FBN2: variants seen among roughly 807,000 people sequenced by gnomAD.
The protein encoded by FBN2 is fibrillin-2.
In FBN2, 105 loss-of-function variants were observed where a neutral mutation model predicts 355.6. That is an observed-to-expected ratio of 0.30 (90% CI 0.25 to 0.35). The LOEUF (loss-of-function observed/expected upper bound fraction) is 0.35. Among genes scored for constraint, FBN2 ranks in the 10% least tolerant of loss-of-function variants. The probability of loss-of-function intolerance (pLI) is 1.00; values close to 1 mark genes in which losing one functional copy is unlikely to be tolerated. For synonymous variants in FBN2, 1,350 were observed against 1,301.2 expected, an observed-to-expected ratio of 1.04 and a Z score of -0.81; for missense variants, 3,280 against 3,758.7, an observed-to-expected ratio of 0.87 and a Z score of 3.33.
intron 62 of FBN2, among the ~76,000 whole-genome samples, chr5:128,270,709 T>A (rs564549485): frequency 2.6e-5 from 4 of 152,140 alleles, no homozygotes; most frequent in Non-Finnish European, 5.9e-5. Flanking sequence ...TCAGAGTGAA[T>A]AGGCAACCTA....
chr5:128,414,145 T>C (rs1753137364), intron 7 of FBN2, among the ~76,000 whole-genome samples: 1 of 152,178 alleles, frequency 6.6e-6, no homozygotes, highest in Non-Finnish European at 1.5e-5. Flanking sequence ...GATTCACATG[T>C]CATACAATTC....
intron 34 of FBN2, among the ~76,000 whole-genome samples, 160 bp from the exon 35 acceptor site, chr5:128,319,161 A>G (rs990498088): frequency 1.3e-5 from 2 of 152,180 alleles, no homozygotes; most frequent in Non-Finnish European, 2.9e-5. Flanking sequence ...GTAAAGGGCA[A>G]GCAACTAATG....
chr5:128,414,284 T>C (rs528989039), intron 7 of FBN2, among the ~76,000 whole-genome samples: 3 of 152,282 alleles, frequency 2.0e-5, no homozygotes, highest in East Asian at 1.9e-4. Context: ...CAATCATTCC[T>C]CCTATTCCTC....
chr5:128,442,213 G>A (rs923198817), intron 7 of FBN2: 3 of 420,836 alleles, frequency 7.1e-6, no homozygotes, highest in African/African-American at 6.2e-5. Context: ...CACATAAAGA[G>A]CCATTTAAGG....
At chr5:128,521,328 G>C (rs1756428348) in intron 4 of FBN2, among the ~76,000 whole-genome samples, 1 of 152,106 alleles carries the variant, frequency 6.6e-6, no homozygotes, top group African/African-American at 2.4e-5. Flanking sequence ...AGAACACATG[G>C]ACACTGGGAG....
At chr5:128,471,150 T>C (rs1754849670) in intron 5 of FBN2, among the ~76,000 whole-genome samples, 1 of 152,056 alleles carries the variant, frequency 6.6e-6, no homozygotes, top group Non-Finnish European at 1.5e-5. Context: ...AAATAAAGAA[T>C]TCTGCAATAT....
intron 23 of FBN2, among the ~76,000 whole-genome samples, chr5:128,348,281 T>C (rs143216246): frequency 6.6e-6 from 1 of 152,246 alleles, no homozygotes; most frequent in African/African-American, 2.4e-5. Context: ...TATTTTGTCA[T>C]TTTCAAATGA....
chr5:128,366,582 A>C, intron 16 of FBN2, 152 bp from the exon 17 acceptor site: 1 of 539,754 alleles, frequency 1.9e-6, no homozygotes, highest in Middle Eastern at 5.1e-4. Flanking sequence ...GCAAACAATT[A>C]TTATAAAATT....
chr5:128,438,702 CAA>C (rs1753840029), intron 7 of FBN2, among the ~76,000 whole-genome samples: 1 of 152,090 alleles, frequency 6.6e-6, no homozygotes, highest in Non-Finnish European at 1.5e-5. Context: ...TCCGGGGAGA[CAA>C]GAGTTCTGGA....
chr5:128,263,246 T>C (rs772900715), intron 63 of FBN2, among the ~76,000 whole-genome samples, 179 bp downstream of exon 63: 3 of 152,236 alleles, frequency 2.0e-5, no homozygotes, highest in Non-Finnish European at 4.4e-5. Flanking sequence ...AGTAATGCTA[T>C]ACCCTGAGCA....
intron 7 of FBN2, among the ~76,000 whole-genome samples, chr5:128,428,551 C>G (rs1401400421): frequency 6.6e-6 from 1 of 152,190 alleles, no homozygotes; most frequent in Non-Finnish European, 1.5e-5. Flanking sequence ...CACTTTACTT[C>G]CTTCAGATCT....
chr5:128,259,658 G>C lies in FBN2; in HGVS notation c.8536C>G (p.Arg2846Gly). 6.2e-7 allele frequency: 1 copy of C among 1,614,006 alleles called. No homozygotes were observed. The part of the protein sequence containing the change: ...ISQGNDDSVF[R>G]IHQRNGLSYL... ...CTGAGCCCATTCCTTTGGTGGATGC[G>C]GAAGACGCTGTCATCGTTCCCTTGA... The change falls in exon 65 of 65, where the codon CGC becomes GGC. Residue 2846 changes from arginine (R) to glycine (G), a missense_variant. By Grantham distance (125) the Arg-to-Gly change is moderately radical. Transcript: ENST00000262464.
intron 40 of FBN2, 47 bp downstream of exon 40, chr5:128,309,936 T>A (rs745983588): frequency 3.1e-6 from 5 of 1,600,500 alleles, no homozygotes. Flanking sequence ...GCTTTATGTG[T>A]GAAGTCAACA....
intron 15 of FBN2, 66 bp from the exon 16 acceptor site, chr5:128,369,400 G>A (rs553156590): frequency 1.9e-6 from 3 of 1,558,710 alleles, no homozygotes; most frequent in East Asian, 2.3e-5. Context: ...GAAACAGAAG[G>A]CTTCTTTTAA....
chr5:128,405,900 G>A (rs1561440768), intron 8 of FBN2, among the ~76,000 whole-genome samples: 1 of 152,098 alleles, frequency 6.6e-6, no homozygotes, highest in Non-Finnish European at 1.5e-5. Context: ...TATTCTAGGA[G>A]ACAAGTTTCC....
intron 16 of FBN2, among the ~76,000 whole-genome samples, chr5:128,367,079 C>G (rs1310935308): frequency 6.6e-6 from 1 of 152,110 alleles, no homozygotes. Flanking sequence ...CAATCTCTTA[C>G]TGGTGAAATT....
Position 128,374,739 on chromosome 5 carries a change from A to G in FBN2, c.1984T>C (p.Cys662Arg). The G allele has an allele frequency of 6.2e-7, 1 of 1,613,914 alleles. No individual in the cohort carries two copies. Among genetic ancestry groups the G allele is most frequent in the Non-Finnish European group, 8.5e-7 (1 of 1,179,872 alleles). Residue 662 changes from cysteine to arginine, a missense_variant, in exon 15 of 65, where the codon TGC becomes CGC. This residue lies in a region of FBN2 where 2,284 missense variants were observed against 2,749.5 expected (regional missense o/e 0.83). Transcript: ENST00000262464. ...TTCATGCAGATTCCTGGGGTCTGGC[A>G]TTCATCAACATCTGTGCAGTGGGTG... Reference protein sequence around the residue: ...NGRYCTDVDECQTPGICMNGH... With the variant: ...NGRYCTDVDERQTPGICMNGH...
intron 6 of FBN2, among the ~76,000 whole-genome samples, chr5:128,455,711 C>A (rs1011986097): frequency 1.3e-5 from 2 of 151,828 alleles, no homozygotes; most frequent in African/African-American, 4.8e-5. Context: ...GGATGGGAAA[C>A]CCCCTCCCCG....
At chr5:128,396,950 G>A (rs1369656654) in intron 8 of FBN2, among the ~76,000 whole-genome samples, 1 of 152,126 alleles carries the variant, frequency 6.6e-6, no homozygotes, top group Admixed American at 6.5e-5. Flanking sequence ...TTTAAAGTAA[G>A]CACATTATGT....
Sources: allele counts gnomAD v4.1 joint callset (sites outside exome capture counted in the v4.1 genomes callset), GRCh38; gene constraint gnomAD v4.1.1; regional missense constraint gnomAD v4.1.1; transcripts MANE v1.5; gene names NCBI Gene and HGNC (gene_info 2026-07-23, HGNC 2026-07-21).